Variants in NUTM2G observed in about 807,000 individuals in gnomAD.
NUTM2G encodes NUT family member 2G, also known as family with sequence similarity 22, member G.
NUTM2G carries 29 observed loss-of-function variants against 44.3 expected under a neutral mutation model. The ratio of observed to expected loss-of-function variants is 0.66; its 90% CI spans 0.49 to 0.89. The LOEUF (loss-of-function observed/expected upper bound fraction) is 0.89. Ranked by LOEUF, NUTM2G falls within the 40% of genes least tolerant of loss-of-function variation. The pLI, the probability that NUTM2G is intolerant of heterozygous loss-of-function variation, is 0.00. For missense variants in NUTM2G, 502 were observed against 946.5 expected (o/e 0.53, Z 6.16); for synonymous variants, 205 against 395.9 (o/e 0.52, Z 5.72).
chr9:96,942,733 G>A (rs1826624171), downstream of NUTM2G: 2 of 149,192 alleles, frequency 1.3e-5, no homozygotes, highest in Non-Finnish European at 3.0e-5. Context: ...CGTTTATCAC[G>A]TATACGGTAT....
chr9:96,929,243 T>G (rs1455798450), intron 1 of NUTM2G, among the ~76,000 whole-genome samples: 1 of 152,126 alleles, frequency 6.6e-6, no homozygotes. Flanking sequence ...CGGACCAAGA[T>G]GCCTGGGGGA....
At chr9:96,933,678 T>C (rs925124683) in intron 2 of NUTM2G, 1 of 152,342 alleles carries the variant, frequency 6.6e-6, no homozygotes, top group Admixed American at 6.5e-5. Context: ...ACCCTGGGTT[T>C]AGGTCTTTGA....
chr9:96,930,830 A>AG (rs2119016800), intron 1 of NUTM2G, among the ~76,000 whole-genome samples: 1 of 130,042 alleles, frequency 7.7e-6, no homozygotes, highest in East Asian at 2.6e-4. Context: ...GGTTATCTTC[A>AG]GGGTTCCTAG....
intron 1 of NUTM2G, 127 bp downstream of exon 1, chr9:96,929,167 G>A (rs755039417): frequency 1.3e-6 from 2 of 1,496,878 alleles, no homozygotes; most frequent in African/African-American, 1.4e-5. Context: ...TGTCCCCAAG[G>A]ACATCACACC....
rs1157433249 is a variant in NUTM2G, at chr9:96,931,785, C to T, written c.80C>T (p.Ala27Val). 5 of 1,611,708 alleles carry T rather than the reference C, an allele frequency of 3.1e-6. No homozygotes were observed. The highest frequency in any genetic ancestry group is 1.7e-5 in the Admixed American group (1 of 60,010). ...NPGTSLSVFT[A>V]LPFATPSPGP... ...GGCACCTCCCTGTCTGTGTTCACGG[C>T]TCTGCCCTTTGCCACACCCTCTCCC... Residue 27 changes from alanine (A) to valine (V), a missense_variant, in exon 2 of 7, where the codon GCT becomes GTT. Transcript: ENST00000372322.
rs1826295743 is a variant in NUTM2G at position 96,932,502 on chromosome 9, G to A, written c.713+84G>A. The A allele has an allele frequency of 4.2e-6, 5 of 1,201,608 alleles. No individual in the cohort carries two copies. In the Admixed American group the frequency reaches 1.1e-4, roughly 26 times the overall value. 74.4% of individuals were successfully genotyped at this position (1,201,608 alleles called of 1,614,324 possible). ...GATGGACAGGAGGTCACACTGTTCA[G>A]GGGAGCTTGCAGGGCGGTTGTGAGG... On this transcript the variant is annotated intron_variant, in intron 2 of 6. Transcript: ENST00000372322.
Position 96,931,833 on chromosome 9 carries a change from T to G in NUTM2G, c.128T>G (p.Leu43Arg), listed in dbSNP as rs763971461. Reference sequence around the variant, plus strand: ...CCCGGCCCAACACACAGGCCGCCCCTCGTGACTGCAGTGGTTCCTCCAGCC... The same window carrying G: ...CCCGGCCCAACACACAGGCCGCCCCGCGTGACTGCAGTGGTTCCTCCAGCC... ...PSPGPTHRPPLVTAVVPPAGP... is the reference protein window; with the variant it reads ...PSPGPTHRPPRVTAVVPPAGP... The change falls in exon 2 of 7, where the codon CTC becomes CGC. Residue 43 changes from leucine to arginine, a missense_variant. Leu to Arg is a moderately radical substitution (Grantham distance 102, BLOSUM62 -2). Transcript: ENST00000372322. 3 of 1,612,182 alleles carry G rather than the reference T, an allele frequency of 1.9e-6. No individual in the cohort carries two copies. Among genetic ancestry groups the G allele is most frequent in the Admixed American group, 3.3e-5 (2 of 60,004 alleles).
At position 96,936,535 on chromosome 9, in the gene NUTM2G, C is replaced by T. The variant is rs1384821626; in HGVS notation, c.953C>T (p.Pro318Leu). The T allele has an allele frequency of 1.3e-6, 2 of 1,553,846 alleles. No individual in the cohort carries two copies. The highest frequency in any genetic ancestry group is 1.7e-6 in the Non-Finnish European group (2 of 1,157,606). Residue 318 changes from proline to leucine, a missense_variant, in exon 4 of 7, where the codon CCC (proline) becomes CTC (leucine). Pro to Leu is a moderately conservative substitution (Grantham distance 98, BLOSUM62 -3). Transcript: ENST00000372322. ...CCGCCGAGGCTTGAACCTCGAGGAC[C>T]CCCTGCCCCTGAGGTGGTCAAGCAG... ...PAPPRLEPRG[P>L]PAPEVVKQPV...
rs1826397630 is a variant in NUTM2G at position 96,935,455 on chromosome 9, A to G, written c.841A>G (p.Lys281Glu). ...GATGATTTTCTACGAGATGGCGGCA[A>G]AGTGAGTCTGGGGTCCTGGGGGCAG... The part of the protein sequence containing the change: ...DRMIFYEMAA[K>E]FLEFEAEEEM... Residue 281 changes from lysine (K) to glutamate (E), a missense_variant and splice_region_variant, in exon 3 of 7, where the codon AAG becomes GAG. Transcript: ENST00000372322. 1.1e-5 allele frequency: 17 copies of G among 1,612,050 alleles called. No individual in the cohort carries two copies. Among genetic ancestry groups the G allele is most frequent in the Non-Finnish European group, 1.4e-5 (17 of 1,179,858 alleles).
chr9:96,934,251 G>A (rs1357732562), intron 2 of NUTM2G, among the ~76,000 whole-genome samples: 1 of 152,214 alleles, frequency 6.6e-6, no homozygotes, highest in Non-Finnish European at 1.5e-5. Flanking sequence ...GCACCTCTGT[G>A]ACCCTTTGTT....
At chr9:96,931,597 G>C in intron 1 of NUTM2G, 125 bp from the exon 2 acceptor site, 1 of 803,480 alleles carries the variant, frequency 1.2e-6, no homozygotes, top group Non-Finnish European at 2.0e-6. Flanking sequence ...CACACTCAGG[G>C]ACACTTGCAA....
rs374195313 is a variant in NUTM2G at position 96,937,837 on chromosome 9, G to A, written c.1324-48G>A. On this transcript the variant is annotated intron_variant, in intron 5 of 6. Transcript: ENST00000372322. ...TCTCCTCCGGGTGTCCTTGGCTCCAGGTTACTCCCTCCCCAGGAAGTTCAC... is the reference window on the plus strand; with the variant it reads ...TCTCCTCCGGGTGTCCTTGGCTCCAAGTTACTCCCTCCCCAGGAAGTTCAC... The A allele has an allele frequency of 1.4e-4, 225 of 1,601,904 alleles. 1 individual carries two copies. The African/African-American group carries it at 2.3e-3, about 16-fold the overall frequency.
chr9:96,937,216 G>A lies in NUTM2G; in HGVS notation c.1135G>A (p.Val379Met), dbSNP rs1826461960. The A allele has an allele frequency of 6.2e-7, 1 of 1,613,136 alleles. No individual in the cohort carries two copies. Among genetic ancestry groups the A allele is most frequent in the Admixed American group, 1.7e-5 (1 of 60,022 alleles). ...GGTCCCTGAGGAGATCCCCCCTGAA[G>A]TGGTGCAGGAGTATGTGGACATCAT... ...TKVPEEIPPE[V>M]VQEYVDIMEE... is the part of the protein sequence containing the mutation. Residue 379 changes from valine to methionine, a missense_variant, in exon 5 of 7, where the codon GTG (valine) becomes ATG (methionine). Transcript: ENST00000372322.
intron 1 of NUTM2G, among the ~76,000 whole-genome samples, chr9:96,930,523 C>CAA (rs557379276): frequency 2.3e-4 from 14 of 61,596 alleles, no homozygotes; most frequent in East Asian, 4.9e-4. Flanking sequence ...GACTCCGTCT[C>CAA]AAAAAAAAAA....
In NUTM2G at chr9:96,931,922, C is replaced by A. The variant is rs1826256711; in HGVS notation, c.217C>A (p.Pro73Thr). The change falls in exon 2 of 7, where the codon CCA (proline) becomes ACA (threonine). Residue 73 changes from proline to threonine, a missense_variant. Pro to Thr is a conservative substitution (Grantham distance 38, BLOSUM62 -1). Coordinates refer to ENST00000372322, the MANE Select transcript of NUTM2G (RefSeq NM_001170741.3). ...AGTGGCAGGACAGGATGGCCGCGGC[C>A]CAAGTGGGGCTGGGGCTTCCAACGT... ...PLVAGQDGRG[P>T]SGAGASNVFV... 6.2e-7 allele frequency: 1 copy of A among 1,612,000 alleles called. No individual in the cohort carries two copies. The highest frequency in any genetic ancestry group is 1.3e-5 in the African/African-American group (1 of 74,870).
chr9:96,940,463 C>T (rs1407820006), downstream of NUTM2G, among the ~76,000 whole-genome samples: 2 of 150,268 alleles, frequency 1.3e-5, no homozygotes, highest in Admixed American at 6.6e-5. Context: ...CCCCATGTGG[C>T]CGACCTCTGC....
chr9:96,930,448 T>C (rs1826203292), intron 1 of NUTM2G, among the ~76,000 whole-genome samples: 1 of 147,000 alleles, frequency 6.8e-6, no homozygotes, highest in African/African-American at 2.5e-5. Flanking sequence ...TGCTTGAACC[T>C]GGGAGGCAGA....
intron 4 of NUTM2G, 135 bp downstream of exon 4, chr9:96,936,699 T>C (rs554010002): frequency 1.1e-5 from 16 of 1,441,438 alleles, no homozygotes; most frequent in East Asian, 2.5e-5. Flanking sequence ...CGGGACTGTA[T>C]GTTGGGTATT....
intron 3 of NUTM2G, 60 bp downstream of exon 3, chr9:96,935,516 C>G (rs1350764335): frequency 5.6e-6 from 9 of 1,611,344 alleles, no homozygotes; most frequent in Non-Finnish European, 7.6e-6. Context: ...ATGACAGAGG[C>G]CCGGTGGCCG....
Sources: gnomAD v4.1 joint callset for allele counts (sites outside exome capture counted in the v4.1 genomes callset) on GRCh38, gnomAD v4.1.1 for gene constraint, MANE v1.5 for transcripts, NCBI Gene and HGNC (gene_info 2026-07-23, HGNC 2026-07-21) for gene names.